Variants in ETV3L observed in about 807,000 individuals in gnomAD.
ETV3L encodes the protein ETS variant transcription factor 3 like, also known as ETS translocation variant 3-like protein.
Under a neutral mutation model 27.6 loss-of-function variants are expected in ETV3L, and 30 were observed. The ratio of observed to expected loss-of-function variants is 1.09; its 90% confidence interval spans 0.81 to 1.48. The LOEUF (loss-of-function observed/expected upper bound fraction) is 1.48. Ranked by LOEUF, ETV3L falls within the 40% of genes most tolerant of loss-of-function variation. The probability of loss-of-function intolerance (pLI) is 0.00; values close to 1 mark genes in which losing one functional copy is unlikely to be tolerated. For missense variants in ETV3L, 443 were observed against 455.6 expected, an observed-to-expected ratio of 0.97 and a Z score of 0.25; for synonymous variants, 186 against 188.9, an observed-to-expected ratio of 0.98 and a Z score of 0.12.
Position 157,099,787 on chromosome 1 carries a change from G to A in ETV3L, c.-264C>T, listed in dbSNP as rs576878216. On this transcript the variant is annotated 5_prime_UTR_variant, in exon 1 of 5. Transcript: ENST00000454449. ...CCCAGCCCCCTCTGGGGACCTCCCC[G>A]CTGCCCAGGGCTGACTCGGACTCAG... The A allele has an allele frequency of 1.1e-4, 66 of 578,578 alleles. No homozygotes were observed. The highest frequency in any genetic ancestry group is 8.2e-4 in the African/African-American group (44 of 53,574). 35.8% of individuals were successfully genotyped at this position (578,578 alleles called of 1,614,324 possible).
chr1:157,092,437 T>A lies in ETV3L; in HGVS notation c.*212A>T, dbSNP rs1244533299. On this transcript the variant is annotated 3_prime_UTR_variant, in exon 5 of 5. Transcript: ENST00000454449. ...CCCCTTAGTCTGCTTAGCAATATGGTGAAAGAGGAGGGGCACCCTGTCTTG... is the reference window on the plus strand; with the variant it reads ...CCCCTTAGTCTGCTTAGCAATATGGAGAAAGAGGAGGGGCACCCTGTCTTG... 1.8e-6 allele frequency: 1 copy of A among 565,114 alleles called. No individual in the cohort carries two copies. Among genetic ancestry groups the A allele is most frequent in the Non-Finnish European group, 3.1e-6 (1 of 319,778 alleles). The allele number at this position is 565,114 out of a possible 1,614,324, so 35.0% of individuals were successfully genotyped here.
chr1:157,099,110 CT>C (rs1190837124), intron 2 of ETV3L, 30 bp downstream of exon 2: 1 of 1,611,792 alleles, frequency 6.2e-7, no homozygotes, highest in African/African-American at 1.3e-5. Context: ...GAAATCCCCC[CT>C]CTTTGGCCAT....
chr1:157,099,200 G>A lies in ETV3L; in HGVS notation c.237C>T (p.Leu79=), dbSNP rs1489598048. 1 of 1,613,794 alleles carries A rather than the reference G, an allele frequency of 6.2e-7. No individual in the cohort carries two copies. Among genetic ancestry groups the A allele is most frequent in the East Asian group, 2.2e-5 (1 of 44,890 alleles). The change falls in exon 2 of 5, where the codon CTC becomes CTT. Residue 79 remains leucine, a synonymous_variant. Transcript: ENST00000454449. ...GTGGTTTGCATTTCCTGCGGCCCCA[G>A]AGGCGGGCCACCTCATCTGGATCCT... ...VIKDPDEVAR[L]WGRRKCKPQM... is the part of the protein sequence containing the mutation.
chr1:157,097,933 T>G lies in ETV3L; in HGVS notation c.542A>C (p.Gln181Pro), dbSNP rs1240497837. 2.5e-6 allele frequency: 4 copies of G among 1,613,742 alleles called. No individual in the cohort carries two copies. In the South Asian group the frequency reaches 4.4e-5, roughly 18 times the overall value. ...CTCTGGTGGCCCTCGGGGGGTCTGC[T>G]GTCCTGTCAGCTGCTCCACCATGGC... ...HQAMVEQLTG[Q>P]QTPRGPPETS... The change falls in exon 4 of 5, where the codon CAG becomes CCG. Residue 181 changes from glutamine to proline, a missense_variant. Physicochemically the swap from Gln to Pro is moderately conservative, Grantham distance 76. Coordinates refer to ENST00000454449, the MANE Select transcript of ETV3L (RefSeq NM_001004341.2).
chr1:157,093,465 A>G, intron 4 of ETV3L, among the ~76,000 whole-genome samples: 1 of 147,714 alleles, frequency 6.8e-6, no homozygotes. Flanking sequence ...CCTTCCTTTT[A>G]TGCTTTTCTT....
chr1:157,096,855 G>A (rs1301679793), intron 4 of ETV3L, among the ~76,000 whole-genome samples: 2 of 152,194 alleles, frequency 1.3e-5, no homozygotes, highest in African/African-American at 4.8e-5. Flanking sequence ...GGAGACGGAG[G>A]TTGCAGTGAG....
intron 4 of ETV3L, among the ~76,000 whole-genome samples, chr1:157,097,257 G>C (rs561210757): frequency 6.6e-6 from 1 of 151,982 alleles, no homozygotes; most frequent in Non-Finnish European, 1.5e-5. Context: ...TGGATCACCT[G>C]AGGTCAGGAG....
intron 4 of ETV3L, among the ~76,000 whole-genome samples, chr1:157,097,345 T>C (rs929300352): frequency 6.6e-6 from 1 of 151,398 alleles, no homozygotes; most frequent in Non-Finnish European, 1.5e-5. Flanking sequence ...TGGTGGTGCA[T>C]GTCTGTAGTC....
In ETV3L at chr1:157,099,509, G is replaced by A. The variant is rs531442967; in HGVS notation, c.15C>T (p.Cys5=). 1.9e-6 allele frequency: 3 copies of A among 1,612,276 alleles called. No homozygotes were observed. The highest frequency in any genetic ancestry group is 2.7e-5 in the African/African-American group (2 of 74,988). MHCS[C]LAEGIPANPG... ...GGTTGGCTGGGATGCCCTCAGCCAA[G>A]CAGCTGCAGTGCATGGTCCACTCCG... The change falls in exon 1 of 5, where the codon TGC becomes TGT. Residue 5 remains cysteine, a synonymous_variant. Transcript: ENST00000454449.
chr1:157,097,303 T>C (rs2103183647), intron 4 of ETV3L, among the ~76,000 whole-genome samples: 1 of 151,710 alleles, frequency 6.6e-6, no homozygotes, highest in East Asian at 2.0e-4. Flanking sequence ...TGAAACCCCG[T>C]CTTTACTAAA....
intron 4 of ETV3L, among the ~76,000 whole-genome samples, chr1:157,096,911 C>T (rs1017696878): frequency 2.0e-5 from 3 of 152,076 alleles, no homozygotes; most frequent in African/African-American, 4.8e-5. Flanking sequence ...AAGAGCAAAA[C>T]GCCATCTCAA....
chr1:157,097,470 C>CA (rs150226645), intron 4 of ETV3L, among the ~76,000 whole-genome samples: 39,505 of 102,704 alleles, frequency 0.38, 7,370 homozygotes, highest in Middle Eastern at 0.42. Context: ...GACTCCGTCT[C>CA]AAAAAAAAAA....
chr1:157,093,310 T>C (rs896414291), intron 4 of ETV3L, among the ~76,000 whole-genome samples, 183 bp from the exon 5 acceptor site: 3 of 151,984 alleles, frequency 2.0e-5, no homozygotes, highest in African/African-American at 7.2e-5. Flanking sequence ...CAGGCTGCAG[T>C]GTAGGCTTGA....
chr1:157,099,028 G>C (rs1298291421), intron 2 of ETV3L, 113 bp downstream of exon 2: 5 of 1,521,062 alleles, frequency 3.3e-6, no homozygotes, highest in Non-Finnish European at 4.5e-6. Context: ...GCTCACCACA[G>C]GCCAGGACAC....
Position 157,092,588 on chromosome 1 carries a change from TG to T in ETV3L, c.*60del. ...GGGGAAGGGGCTAACCCAGAGGCGG[TG>T]GGCAAGAGGAGAGATGGACTTTGGA... On this transcript the variant is annotated 3_prime_UTR_variant, in exon 5 of 5. Coordinates refer to ENST00000454449, the MANE Select transcript of ETV3L (RefSeq NM_001004341.2). The T allele has an allele frequency of 1.4e-6, 2 of 1,410,278 alleles. No individual in the cohort carries two copies. Among genetic ancestry groups the T allele is most frequent in the Non-Finnish European group, 1.9e-6 (2 of 1,031,170 alleles). The allele number at this position is 1,410,278 out of a possible 1,614,324, so 87.4% of individuals were successfully genotyped here.
At position 157,092,378 on chromosome 1, in the gene ETV3L, C is replaced by A; in HGVS notation, c.*271G>T. 2.4e-6 allele frequency: 1 copy of A among 408,480 alleles called. No individual in the cohort carries two copies. The highest frequency in any genetic ancestry group is 4.8e-5 in the South Asian group (1 of 21,050). 25.3% of individuals were successfully genotyped at this position (408,480 alleles called of 1,614,324 possible). A position where few individuals can be genotyped will look rare whatever the true frequency, so the allele number is the denominator to read the frequency against. ...ATGGAAATTATAGAAACTTTATTCTCGTCTCCCTGAAGAAAAGTTGAGATT... is the reference window on the plus strand; with the variant it reads ...ATGGAAATTATAGAAACTTTATTCTAGTCTCCCTGAAGAAAAGTTGAGATT... On this transcript the variant is annotated 3_prime_UTR_variant, in exon 5 of 5. Coordinates refer to ENST00000454449, the MANE Select transcript of ETV3L (RefSeq NM_001004341.2).
At position 157,098,762 on chromosome 1, in the gene ETV3L, G is replaced by A; in HGVS notation, c.430C>T (p.Leu144=). ...VRAPPSPHLL[L]GAPALCRPAL... ...GGCCGACACAGGGCAGGGGCCCCCA[G>A]CAGCAAGTGGGGGGATGGCGGCGCC... The change falls in exon 3 of 5, where the codon CTG becomes TTG. Residue 144 remains leucine, a synonymous_variant. Transcript: ENST00000454449. 2 of 1,613,652 alleles carry A rather than the reference G, an allele frequency of 1.2e-6. No individual in the cohort carries two copies. The highest frequency in any genetic ancestry group is 1.7e-6 in the Non-Finnish European group (2 of 1,179,794).
At chr1:157,094,913 C>CA (rs34656748) in intron 4 of ETV3L, among the ~76,000 whole-genome samples, 38,563 of 86,746 alleles carry the variant, frequency 0.44, 8,887 homozygotes, top group Middle Eastern at 0.61. Flanking sequence ...AACTCTGTCT[C>CA]AAAAAAAAAA....
In ETV3L at chr1:157,092,808, C is replaced by T. The variant is rs548676307; in HGVS notation, c.927G>A (p.Gly309=). The T allele has an allele frequency of 3.3e-5, 53 of 1,614,082 alleles. No individual in the cohort carries two copies. The highest frequency in any genetic ancestry group is 4.2e-5 in the Non-Finnish European group (50 of 1,180,036). ...TCATGGGAGCAGGCTTTACTTCCAG[C>T]CCCTCGGGCCTGAGGGACAAGAGCC... ...RLWLLSLRPE[G]LEVKPAPMME... is the part of the protein sequence containing the mutation. The change falls in exon 5 of 5, where the codon GGG becomes GGA. Residue 309 remains glycine, a synonymous_variant. Transcript: ENST00000454449.
Sources: gnomAD v4.1 joint callset for allele counts (sites outside exome capture counted in the v4.1 genomes callset) on GRCh38, gnomAD v4.1.1 for gene constraint, MANE v1.5 for transcripts, NCBI Gene and HGNC (gene_info 2026-07-23, HGNC 2026-07-21) for gene names.